CEP350: variants seen among roughly 807,000 people sequenced by gnomAD.
CEP350 encodes centrosome-associated protein 350.
Under a neutral mutation model 331.8 loss-of-function variants are expected in CEP350, and 126 were observed. The observed-to-expected ratio is 0.38, with a 90% confidence interval of 0.33 to 0.44. CEP350 has a LOEUF of 0.44. CEP350 is among the 20% of genes least tolerant of loss of function. The probability of loss-of-function intolerance (pLI) is 1.00; values close to 1 mark genes in which losing one functional copy is unlikely to be tolerated. For synonymous variants in CEP350, 1,200 were observed against 1,259.5 expected (o/e 0.95, Z 1.00); for missense variants, 3,406 against 3,634.6 (o/e 0.94, Z 1.62).
intron 1 of CEP350, among the ~76,000 whole-genome samples, chr1:179,960,351 T>C (rs1465926761): frequency 6.6e-6 from 1 of 152,080 alleles, no homozygotes; most frequent in Non-Finnish European, 1.5e-5. Flanking sequence ...GTAGCCCTGG[T>C]GGGGAAATCA....
chr1:180,051,668 G>A (rs553806129), intron 22 of CEP350, among the ~76,000 whole-genome samples: 38 of 152,300 alleles, frequency 2.5e-4, no homozygotes, highest in African/African-American at 7.9e-4. Context: ...AAAATGGAAC[G>A]CAGCCTGCAA....
At chr1:180,042,580 T>A (rs1656842034) in intron 19 of CEP350, among the ~76,000 whole-genome samples, 1 of 152,188 alleles carries the variant, frequency 6.6e-6, no homozygotes. Flanking sequence ...TCAACAAAGA[T>A]TTCAAAACAC....
rs187154634 is a variant in CEP350, at chr1:179,980,360, A to G, written c.-13-5809A>G. Among the ~76,000 whole-genome samples the G allele has an allele frequency of 7.2e-4, 109 of 151,818 alleles. 1 individual carries two copies. The South Asian group carries it at 0.021, about 29-fold the overall frequency. ...TTAAGGTAGTTCATTATTTATATAT[A>G]GAATCACTACTGATTTTTGTATGTT... is the stretch of plus-strand genomic sequence containing the variant. On this transcript the variant is annotated intron_variant, in intron 1 of 37. Coordinates refer to ENST00000367607, the MANE Select transcript of CEP350 (RefSeq NM_014810.5).
In CEP350 at chr1:180,006,622, T is replaced by A. The variant is rs142178748; in HGVS notation, c.1246+55T>A. ...TTTTTGTTTTTAATTAATGTTTTCA[T>A]TATACTTTAAGTTTTGGGATACATG... On this transcript the variant is annotated intron_variant, in intron 8 of 37. Coordinates refer to ENST00000367607, the MANE Select transcript of CEP350 (RefSeq NM_014810.5). 7.9e-5 allele frequency: 71 copies of A among 895,408 alleles called. No homozygotes were observed. The African/African-American group carries it at 1.0e-3, about 13-fold the overall frequency. 55.5% of individuals were successfully genotyped at this position (895,408 alleles called of 1,614,324 possible).
chr1:180,103,208 A>G (rs1361756995), intron 37 of CEP350, among the ~76,000 whole-genome samples: 3 of 152,252 alleles, frequency 2.0e-5, no homozygotes, highest in East Asian at 1.9e-4. Context: ...GGCCAGTGCC[A>G]TCTTGCCTGC....
chr1:180,046,685 T>C (rs1462781558), intron 21 of CEP350, among the ~76,000 whole-genome samples: 1 of 152,242 alleles, frequency 6.6e-6, no homozygotes, highest in Non-Finnish European at 1.5e-5. Context: ...TGCAGCATTT[T>C]ATACTATTTT....
intron 30 of CEP350, among the ~76,000 whole-genome samples, 174 bp downstream of exon 30, chr1:180,080,835 C>T (rs1035818103): frequency 3.3e-5 from 5 of 151,990 alleles, no homozygotes; most frequent in Admixed American, 1.3e-4. Context: ...TTGAATATAT[C>T]GAGTTAGGCA....
At chr1:180,102,930 A>G (rs563090749) in intron 37 of CEP350, among the ~76,000 whole-genome samples, 1 of 152,224 alleles carries the variant, frequency 6.6e-6, no homozygotes, top group Non-Finnish European at 1.5e-5. Context: ...AACGACACAG[A>G]CACACATACA....
At chr1:179,987,427 A>C (rs139080024) in intron 3 of CEP350, 141 bp downstream of exon 3, 2,314 of 215,628 alleles carry the variant, frequency 0.011, 55 homozygotes, top group African/African-American at 0.052. Context: ...TATTATATAT[A>C]CTATATAAAA....
intron 17 of CEP350, among the ~76,000 whole-genome samples, chr1:180,039,532 A>C (rs1223141158): frequency 6.6e-6 from 1 of 152,184 alleles, no homozygotes; most frequent in East Asian, 1.9e-4. Flanking sequence ...TTTATTAAAA[A>C]GACTTAAATT....
intron 1 of CEP350, among the ~76,000 whole-genome samples, chr1:179,977,094 T>C (rs1285799398): frequency 9.9e-5 from 15 of 152,206 alleles, no homozygotes; most frequent in Non-Finnish European, 1.5e-5. Flanking sequence ...AACTCTGCAG[T>C]CTGTTTTTCC....
intron 1 of CEP350, among the ~76,000 whole-genome samples, chr1:179,982,172 G>A (rs565026788): frequency 1.1e-4 from 17 of 152,310 alleles, no homozygotes; most frequent in African/African-American, 3.8e-4. Flanking sequence ...ATGAATATTA[G>A]CAGTACCTCA....
chr1:179,969,631 T>C, intron 1 of CEP350: 1 of 327,248 alleles, frequency 3.1e-6, no homozygotes, highest in Non-Finnish European at 6.0e-6. Flanking sequence ...CCTCAAAAAG[T>C]GATCAGTGTG....
chr1:180,049,060 C>A (rs1297330314), intron 22 of CEP350, among the ~76,000 whole-genome samples: 1 of 151,854 alleles, frequency 6.6e-6, no homozygotes, highest in East Asian at 1.9e-4. Context: ...AGAGCAAGAA[C>A]CTGTCTCAAA....
At position 180,043,122 on chromosome 1, in the gene CEP350, C is replaced by T. The variant is rs1260291549; in HGVS notation, c.4429C>T (p.Leu1477=). Residue 1477 remains leucine (L), a synonymous_variant, in exon 20 of 38, where the codon CTG becomes TTG. Coordinates refer to ENST00000367607, the MANE Select transcript of CEP350 (RefSeq NM_014810.5). ...GGCTTCAGGAGCTCCCCTTGCAATA[C>T]TGTATGACCACCAACGGCAGCACCT... ...VVASGAPLAI[L]YDHQRQHLPD... The T allele has an allele frequency of 2.5e-6, 4 of 1,613,866 alleles. No individual in the cohort carries two copies.
At chr1:180,081,488 T>A (rs2149087464) in intron 30 of CEP350, among the ~76,000 whole-genome samples, 1 of 152,356 alleles carries the variant, frequency 6.6e-6, no homozygotes, top group East Asian at 1.9e-4. Flanking sequence ...CATCTTTATT[T>A]AAAGATTTAC....
chr1:180,035,641 T>C (rs1279946898), intron 16 of CEP350, among the ~76,000 whole-genome samples: 2 of 152,208 alleles, frequency 1.3e-5, no homozygotes, highest in Admixed American at 6.5e-5. Flanking sequence ...TACTGAGTAT[T>C]CTAAGCCCAC....
At chr1:180,069,581 T>C (rs1056504975) in intron 27 of CEP350, among the ~76,000 whole-genome samples, 2 of 152,190 alleles carry the variant, frequency 1.3e-5, no homozygotes, top group Non-Finnish European at 2.9e-5. Flanking sequence ...AATTCCTAGG[T>C]CAGGAATCAT....
At chr1:180,022,895 A>T in intron 13 of CEP350, 47 bp downstream of exon 13, 1 of 1,514,250 alleles carries the variant, frequency 6.6e-7, no homozygotes, top group East Asian at 2.4e-5. Context: ...AGTGAGAAAA[A>T]TGTACAAATG....
Sources: gnomAD v4.1 joint callset for allele counts (sites outside exome capture counted in the v4.1 genomes callset) on GRCh38, gnomAD v4.1.1 for gene constraint, MANE v1.5 for transcripts, NCBI Gene and HGNC (gene_info 2026-07-23, HGNC 2026-07-21) for gene names.